The following PTH2R variants were observed in gnomAD, a reference collection of about 807,000 sequenced individuals.
PTH2R encodes PTH2 receptor.
PTH2R carries 59 observed loss-of-function variants against 60.3 expected under a neutral mutation model. The ratio of observed to expected loss-of-function variants is 0.98; its 90% CI spans 0.79 to 1.22. The LOEUF (loss-of-function observed/expected upper bound fraction) is 1.22, where lower values mean the gene tolerates loss of function less well. Among genes scored for constraint, PTH2R ranks in the 50% most tolerant of loss-of-function variants. The pLI is 0.00. For missense variants in PTH2R, 749 were observed against 682.6 expected (o/e 1.10, Z -1.08); for synonymous variants, 256 against 243.8 (o/e 1.05, Z -0.47).
At chr2:208,393,517 T>C (rs1365342484) in intron 1 of PTH2R, among the ~76,000 whole-genome samples, 1 of 152,190 alleles carries the variant, frequency 6.6e-6, no homozygotes, top group Non-Finnish European at 1.5e-5. Flanking sequence ...CTGGAACTGC[T>C]TCCCTTCCTA....
chr2:208,389,706 T>A (rs949766803), intron 1 of PTH2R, among the ~76,000 whole-genome samples: 6 of 152,226 alleles, frequency 3.9e-5, no homozygotes, highest in African/African-American at 1.4e-4. Context: ...ATCACACATT[T>A]GTGATGTTTT....
intron 1 of PTH2R, among the ~76,000 whole-genome samples, chr2:208,422,675 AT>A (rs1049747101): frequency 1.4e-4 from 22 of 152,044 alleles, no homozygotes; most frequent in Non-Finnish European, 1.3e-4. Context: ...TTAAAAAATG[AT>A]TTTTTTGGTG....
At chr2:208,388,342 C>T (rs942181180) in intron 1 of PTH2R, among the ~76,000 whole-genome samples, 2 of 151,776 alleles carry the variant, frequency 1.3e-5, no homozygotes, top group African/African-American at 4.8e-5. Flanking sequence ...CAAAAAAAAA[C>T]TTCACGCTTC....
chr2:208,371,401 A>AAG (rs1700698665), intron 1 of PTH2R, among the ~76,000 whole-genome samples: 15 of 152,150 alleles, frequency 9.9e-5, no homozygotes, highest in Admixed American at 9.8e-4. Context: ...AATGAGTCTT[A>AAG]TCAGAACCTT....
intron 7 of PTH2R, among the ~76,000 whole-genome samples, chr2:208,449,657 T>A (rs1326298787): frequency 1.3e-5 from 2 of 152,178 alleles, no homozygotes; most frequent in Non-Finnish European, 2.9e-5. Flanking sequence ...TTAAGTTAGA[T>A]GGTCACTAAG....
At chr2:208,451,017 T>C (rs1450961713) in intron 8 of PTH2R, among the ~76,000 whole-genome samples, 1 of 152,006 alleles carries the variant, frequency 6.6e-6, no homozygotes, top group Non-Finnish European at 1.5e-5. Context: ...ACTCGCAGAC[T>C]AGATGAAGGT....
chr2:208,469,361 G>C (rs1370428094), intron 9 of PTH2R, among the ~76,000 whole-genome samples: 7 of 152,116 alleles, frequency 4.6e-5, no homozygotes, highest in Non-Finnish European at 8.8e-5. Flanking sequence ...ACTTAATTCT[G>C]TCTTTGGCTA....
At chr2:208,445,156 G>T (rs1011983105) in intron 7 of PTH2R, among the ~76,000 whole-genome samples, 1 of 152,160 alleles carries the variant, frequency 6.6e-6, no homozygotes, top group African/African-American at 2.4e-5. Context: ...AAATATAAGA[G>T]AACTCATTGT....
chr2:208,473,054 C>T (rs902930822), intron 9 of PTH2R, among the ~76,000 whole-genome samples: 4 of 152,142 alleles, frequency 2.6e-5, no homozygotes, highest in African/African-American at 9.7e-5. Flanking sequence ...CATGAGAGGA[C>T]TTAGGTGGTA....
At chr2:208,384,829 A>G (rs114654523) in intron 1 of PTH2R, among the ~76,000 whole-genome samples, 149 of 152,318 alleles carry the variant, frequency 9.8e-4, no homozygotes, top group African/African-American at 3.5e-3. Flanking sequence ...AGAGCAATGT[A>G]AAGTCACGGA....
chr2:208,393,173 C>A (rs1701140631), intron 1 of PTH2R, among the ~76,000 whole-genome samples: 1 of 152,192 alleles, frequency 6.6e-6, no homozygotes, highest in African/African-American at 2.4e-5. Flanking sequence ...ACTAAAGTGG[C>A]TATTCTCAGG....
chr2:208,433,163 CA>C (rs1257759363), intron 2 of PTH2R, among the ~76,000 whole-genome samples: 1 of 152,148 alleles, frequency 6.6e-6, no homozygotes, highest in African/African-American at 2.4e-5. Flanking sequence ...ACTTAGGTCA[CA>C]TCTAAAATTT....
Position 208,444,656 on chromosome 2 carries a change from G to C in PTH2R, c.700-78G>C, listed in dbSNP as rs909870378. On this transcript the variant is annotated intron_variant, in intron 6 of 12. Coordinates refer to ENST00000272847, the MANE Select transcript of PTH2R (RefSeq NM_005048.4). ...AGCCTGAAAAAGAAACTGAAGACTT[G>C]TTTTTTAGTGGTCTAATGTTGGCAT... 3.6e-5 allele frequency: 50 copies of C among 1,398,598 alleles called. 1 individual carries two copies. The African/African-American group carries it at 6.9e-4, about 19-fold the overall frequency. The allele number at this position is 1,398,598 out of a possible 1,614,324, so 86.6% of individuals were successfully genotyped here.
chr2:208,481,160 T>C lies in PTH2R; in HGVS notation c.1072T>C (p.Tyr358His). The C allele has an allele frequency of 6.3e-7, 1 of 1,598,444 alleles. No individual in the cohort carries two copies. The highest frequency in any genetic ancestry group is 8.6e-7 in the Non-Finnish European group (1 of 1,167,838). The change falls in exon 10 of 13, where the codon TAC (tyrosine) becomes CAC (histidine). Residue 358 changes from tyrosine to histidine, a missense_variant. By Grantham distance (83) the Tyr-to-His change is moderately conservative. Transcript: ENST00000272847. ...AGTTGGGCATGACACAAGGAAGCAA[T>C]ACAGGTAATTTCAGGAGAGGCATCC... ...NAVGHDTRKQ[Y>H]RKLAKSTLVL...
chr2:208,391,134 T>G (rs2125882579), intron 1 of PTH2R, among the ~76,000 whole-genome samples: 1 of 152,306 alleles, frequency 6.6e-6, no homozygotes, highest in African/African-American at 2.4e-5. Context: ...TCTCCTGGGT[T>G]AAATAGAGTG....
At chr2:208,450,877 A>G in intron 8 of PTH2R, 68 bp downstream of exon 8, 1 of 1,520,242 alleles carries the variant, frequency 6.6e-7, no homozygotes, top group East Asian at 2.3e-5. Flanking sequence ...CCTGCTCAGA[A>G]TTCACACTCG....
At chr2:208,436,829 A>T (rs1392281330) in intron 2 of PTH2R, among the ~76,000 whole-genome samples, 3 of 152,016 alleles carry the variant, frequency 2.0e-5, no homozygotes, top group Admixed American at 6.6e-5. Context: ...TATTCTTGAG[A>T]ACTACAAAAA....
intron 1 of PTH2R, among the ~76,000 whole-genome samples, chr2:208,421,937 C>A (rs1701765203): frequency 1.3e-5 from 2 of 152,224 alleles, no homozygotes; most frequent in African/African-American, 2.4e-5. Context: ...CTTCAGGAAA[C>A]AGAACCAGTG....
chr2:208,425,753 T>C (rs1457592322), intron 1 of PTH2R, among the ~76,000 whole-genome samples: 1 of 152,196 alleles, frequency 6.6e-6, no homozygotes, highest in African/African-American at 2.4e-5. Flanking sequence ...CTTCCTTGGC[T>C]AGAGAGCAGG....
Sources: allele counts gnomAD v4.1 joint callset (sites outside exome capture counted in the v4.1 genomes callset), GRCh38; gene constraint gnomAD v4.1.1; transcripts MANE v1.5; gene names NCBI Gene and HGNC (gene_info 2026-07-23, HGNC 2026-07-21).